The following PSD3 variants were observed in gnomAD, a reference collection of about 807,000 sequenced individuals.
The protein encoded by PSD3 is pleckstrin and Sec7 domain containing 3, also known as PH and SEC7 domain-containing protein 3.
PSD3 carries 49 observed loss-of-function variants against 105.5 expected under a neutral mutation model. The ratio of observed to expected loss-of-function variants is 0.46; its 90% CI spans 0.37 to 0.59. The LOEUF (loss-of-function observed/expected upper bound fraction) is 0.59. PSD3 is among the 20% of genes least tolerant of loss of function. The pLI, the probability that PSD3 is intolerant of heterozygous loss-of-function variation, is 0.00. For missense variants in PSD3, 1,561 were observed against 1,263.8 expected (o/e 1.24, Z -3.57); for synonymous variants, 557 against 457.8 (o/e 1.22, Z -2.77).
chr8:18,848,755 G>A (rs997648764), intron 4 of PSD3, among the ~76,000 whole-genome samples: 1 of 152,156 alleles, frequency 6.6e-6, no homozygotes, highest in East Asian at 1.9e-4. Flanking sequence ...AGGAGTCCCA[G>A]AATGACCAGT....
At chr8:18,948,678 T>C (rs187197310) in intron 1 of PSD3, among the ~76,000 whole-genome samples, 13 of 152,266 alleles carry the variant, frequency 8.5e-5, no homozygotes, top group East Asian at 1.9e-4. Flanking sequence ...TACAAAGAAA[T>C]TGCATAAGCA....
intron 8 of PSD3, among the ~76,000 whole-genome samples, chr8:18,765,861 G>A (rs986732593): frequency 6.6e-6 from 1 of 151,958 alleles, no homozygotes; most frequent in East Asian, 1.9e-4. Context: ...TCAGCTACTC[G>A]GGAGGCTGAG....
chr8:18,734,143 A>G (rs2129432294), intron 9 of PSD3: 1 of 152,356 alleles, frequency 6.6e-6, no homozygotes, highest in East Asian at 1.9e-4. Context: ...CATGTAAAAG[A>G]CAAAAGTAGA....
chr8:18,845,623 C>T (rs532257821), intron 4 of PSD3, among the ~76,000 whole-genome samples: 1 of 152,252 alleles, frequency 6.6e-6, no homozygotes, highest in East Asian at 1.9e-4. Context: ...TTTCACAGGC[C>T]TACTGCAGCA....
intron 1 of PSD3, among the ~76,000 whole-genome samples, chr8:18,943,617 CAG>C (rs1303644413): frequency 1.3e-5 from 2 of 152,124 alleles, no homozygotes; most frequent in Non-Finnish European, 2.9e-5. Context: ...GCTTAGATAA[CAG>C]AGGACTATTC....
At chr8:18,734,448 G>T (rs950804926) in intron 9 of PSD3, 2 of 152,058 alleles carry the variant, frequency 1.3e-5, no homozygotes, top group Non-Finnish European at 2.9e-5. Flanking sequence ...CACAAATTTT[G>T]TTGTCACAAG....
At chr8:18,621,559 T>G (rs1195107241) in intron 11 of PSD3, among the ~76,000 whole-genome samples, 1 of 152,220 alleles carries the variant, frequency 6.6e-6, no homozygotes, top group African/African-American at 2.4e-5. Flanking sequence ...TTTTGAATTG[T>G]GAATGGGGTA....
intron 2 of PSD3, among the ~76,000 whole-genome samples, chr8:18,879,221 T>A (rs1817951538): frequency 6.6e-6 from 1 of 152,102 alleles, no homozygotes; most frequent in Admixed American, 6.5e-5. Context: ...GGCAGCAAAT[T>A]CAACAATTGT....
rs926063551 is a variant in PSD3, at chr8:18,944,961, G to T, written c.22-8819C>A. Among the ~76,000 whole-genome samples the T allele has an allele frequency of 2.6e-5, 4 of 152,130 alleles. No homozygotes were observed. In the East Asian group the frequency reaches 7.7e-4, roughly 29 times the overall value. ...GCCATTTTATTTTAAAACAAAACTG[G>T]TTCCTTTCGATGAAAAATATTCTTT... On this transcript the variant is annotated intron_variant, in intron 1 of 15. Coordinates refer to ENST00000327040, the MANE Select transcript of PSD3 (RefSeq NM_015310.4).
intron 4 of PSD3, among the ~76,000 whole-genome samples, chr8:18,811,715 T>C (rs1055658307): frequency 5.9e-5 from 9 of 152,050 alleles, no homozygotes; most frequent in African/African-American, 2.2e-4. Context: ...GGCTGCAGCA[T>C]GTTAGATGTG....
intron 1 of PSD3, among the ~76,000 whole-genome samples, chr8:19,071,982 T>A (rs1054230126): frequency 6.6e-6 from 1 of 152,178 alleles, no homozygotes; most frequent in Non-Finnish European, 1.5e-5. Context: ...AGTGCTGGGA[T>A]TCCAGGCGTA....
intron 8 of PSD3, among the ~76,000 whole-genome samples, chr8:18,781,599 T>G (rs1004518138): frequency 2.6e-5 from 4 of 152,166 alleles, no homozygotes; most frequent in Non-Finnish European, 5.9e-5. Context: ...GATACTCTTC[T>G]CTGTGACTTG....
At chr8:18,573,869 G>A (rs1159246692) in intron 13 of PSD3, among the ~76,000 whole-genome samples, 1 of 152,130 alleles carries the variant, frequency 6.6e-6, no homozygotes, top group Non-Finnish European at 1.5e-5. Flanking sequence ...TTGTGGTGAT[G>A]GCTGAGCCAT....
chr8:18,649,684 A>T (rs1246715093), intron 10 of PSD3, among the ~76,000 whole-genome samples: 1 of 152,214 alleles, frequency 6.6e-6, no homozygotes. Flanking sequence ...CTGTGCTCCC[A>T]CACAAATCTA....
At chr8:18,652,784 G>A (rs908506246) in intron 10 of PSD3, among the ~76,000 whole-genome samples, 3 of 152,022 alleles carry the variant, frequency 2.0e-5, no homozygotes, top group East Asian at 1.9e-4. Context: ...AGGTGTCAGC[G>A]ACCGTGCCCA....
chr8:19,082,269 G>A (rs1829668264), intron 1 of PSD3, among the ~76,000 whole-genome samples: 2 of 152,154 alleles, frequency 1.3e-5, no homozygotes, highest in African/African-American at 4.8e-5. Context: ...CCATGGCAGA[G>A]GGAATCACAT....
At chr8:18,765,889 A>C (rs1806946671) in intron 8 of PSD3, among the ~76,000 whole-genome samples, 1 of 150,554 alleles carries the variant, frequency 6.6e-6, no homozygotes, top group African/African-American at 2.4e-5. Context: ...AATCGCTTGA[A>C]CCCGGGAGGC....
intron 4 of PSD3, among the ~76,000 whole-genome samples, chr8:18,867,441 T>A (rs193085705): frequency 6.6e-6 from 1 of 152,194 alleles, no homozygotes; most frequent in African/African-American, 2.4e-5. Context: ...CCAATTTATA[T>A]ATAGTCATCC....
intron 9 of PSD3, among the ~76,000 whole-genome samples, chr8:18,744,660 T>C (rs994889989): frequency 2.6e-5 from 4 of 152,218 alleles, no homozygotes; most frequent in Non-Finnish European, 5.9e-5. Context: ...CTGTAAATCC[T>C]CCACCCAGTC....
Sources: gnomAD v4.1 joint callset for allele counts (sites outside exome capture counted in the v4.1 genomes callset) on GRCh38, gnomAD v4.1.1 for gene constraint, MANE v1.5 for transcripts, NCBI Gene and HGNC (gene_info 2026-07-23, HGNC 2026-07-21) for gene names.